Variants in SGSM1 observed in about 807,000 individuals in gnomAD.
SGSM1 encodes the protein RUN and TBC1 domain containing 2.
Under a neutral mutation model 133.8 loss-of-function variants are expected in SGSM1, and 73 were observed. The ratio of observed to expected loss-of-function variants is 0.55; its 90% CI spans 0.45 to 0.66. The LOEUF (loss-of-function observed/expected upper bound fraction) is 0.66. Ranked by LOEUF, SGSM1 falls within the 30% of genes least tolerant of loss-of-function variation. The pLI is 0.00. For missense variants in SGSM1, 1,213 were observed against 1,448.1 expected, an observed-to-expected ratio of 0.84 and a Z score of 2.64; for synonymous variants, 563 against 573.0, an observed-to-expected ratio of 0.98 and a Z score of 0.25.
rs986241140 is a variant in SGSM1 at position 24,886,531 on chromosome 22, C to G, written c.1642-69C>G. 4 of 1,524,066 alleles carry G rather than the reference C, an allele frequency of 2.6e-6. No individual in the cohort carries two copies. The Admixed American group carries it at 8.0e-5, about 31-fold the overall frequency. The allele number at this position is 1,524,066 out of a possible 1,614,324, so 94.4% of individuals were successfully genotyped here. A position where few individuals can be genotyped will look rare whatever the true frequency, so the allele number is the denominator to read the frequency against. On this transcript the variant is annotated intron_variant, in intron 15 of 24. Coordinates refer to ENST00000400358, the MANE Select transcript of SGSM1 (RefSeq NM_001098497.3). ...CCAATCTGGCCAACATGGTGAAACCCCATCCCTACTAAAACCACCCCCTGG... is the reference window on the plus strand; with the variant it reads ...CCAATCTGGCCAACATGGTGAAACCGCATCCCTACTAAAACCACCCCCTGG...
Position 24,892,201 on chromosome 22 carries a change from G to A in SGSM1, c.1771-1230G>A, listed in dbSNP as rs5996787. ...CAGGGCTTGGAGGAGTCTCAGGGAG[G>A]TGGGCAGGAGGGAGTGGCTCAGGCG... On this transcript the variant is annotated intron_variant, in intron 16 of 24. Transcript: ENST00000400358. Among the ~76,000 whole-genome samples, 1,087 of 152,234 alleles carry A rather than the reference G, an allele frequency of 7.1e-3. 12 individuals are homozygous for A. The highest frequency in any genetic ancestry group is 0.025 in the African/African-American group (1,029 of 41,530).
intron 18 of SGSM1, among the ~76,000 whole-genome samples, chr22:24,895,606 G>C (rs561182431): frequency 1.3e-5 from 2 of 152,198 alleles, no homozygotes; most frequent in South Asian, 4.1e-4. Flanking sequence ...CCTTCTGTAT[G>C]CATATACATA....
intron 2 of SGSM1, among the ~76,000 whole-genome samples, chr22:24,829,467 C>CA (rs1394326750): frequency 1.3e-5 from 2 of 152,168 alleles, no homozygotes; most frequent in African/African-American, 2.4e-5. Flanking sequence ...ACAACAAACT[C>CA]ACGTGACATG....
chr22:24,896,090 G>A (rs542956475), intron 18 of SGSM1, among the ~76,000 whole-genome samples: 1 of 152,176 alleles, frequency 6.6e-6, no homozygotes, highest in Non-Finnish European at 1.5e-5. Flanking sequence ...AACATGCATA[G>A]TGTGTTGTCA....
At chr22:24,807,301 G>A (rs1033671286) in intron 2 of SGSM1, among the ~76,000 whole-genome samples, 1 of 150,998 alleles carries the variant, frequency 6.6e-6, no homozygotes, top group African/African-American at 2.4e-5. Context: ...GTGGCTGTGA[G>A]TGTGTGCGTA....
intron 22 of SGSM1, among the ~76,000 whole-genome samples, chr22:24,915,665 C>T (rs1253576678): frequency 6.6e-6 from 1 of 152,094 alleles, no homozygotes. Context: ...ATAGAGTTTC[C>T]AATCCCTCAA....
chr22:24,895,242 C>T lies in SGSM1; in HGVS notation c.1973C>T (p.Ser658Leu), dbSNP rs755807901. 2.5e-5 allele frequency: 41 copies of T among 1,611,300 alleles called. No individual in the cohort carries two copies. The highest frequency in any genetic ancestry group is 6.7e-5 in the African/African-American group (5 of 74,860). Reference sequence around the variant, plus strand: ...TCTCAGTCCTCCCAGAGCTGCAGTTCGGGCCGCCAGAACATCCGCCTGCAC... The same window carrying T: ...TCTCAGTCCTCCCAGAGCTGCAGTTTGGGCCGCCAGAACATCCGCCTGCAC... ...ISNESSQSCS[S>L]GRQNIRLHSD... Residue 658 changes from serine to leucine, a missense_variant, in exon 18 of 25, where the codon TCG becomes TTG. Coordinates refer to ENST00000400358, the MANE Select transcript of SGSM1 (RefSeq NM_001098497.3).
intron 8 of SGSM1, among the ~76,000 whole-genome samples, chr22:24,857,652 TC>T (rs955579440): frequency 6.6e-6 from 1 of 152,246 alleles, no homozygotes; most frequent in African/African-American, 2.4e-5. Flanking sequence ...AGTTCCATCT[TC>T]CGTATCACTT....
intron 2 of SGSM1, among the ~76,000 whole-genome samples, chr22:24,842,111 G>A (rs543798430): frequency 1.3e-4 from 20 of 152,334 alleles, no homozygotes; most frequent in African/African-American, 4.1e-4. Context: ...GGGTCTGGGT[G>A]CTTGGCAACT....
At position 24,924,407 on chromosome 22, in the gene SGSM1, A is replaced by C. The variant is rs1165665238; in HGVS notation, c.*133A>C. ...TTCACAAGCGTGGAGTTCAGTGCGCAAAGAAACTACCCTGACTTTTACTTC... is the reference window on the plus strand; with the variant it reads ...TTCACAAGCGTGGAGTTCAGTGCGCCAAGAAACTACCCTGACTTTTACTTC... On this transcript the variant is annotated 3_prime_UTR_variant, in exon 25 of 25. Coordinates refer to ENST00000400358, the MANE Select transcript of SGSM1 (RefSeq NM_001098497.3). 11 of 701,740 alleles carry C rather than the reference A, an allele frequency of 1.6e-5. No individual in the cohort carries two copies. The African/African-American group carries it at 1.8e-4, about 11-fold the overall frequency. 43.5% of individuals were successfully genotyped at this position (701,740 alleles called of 1,614,324 possible).
At chr22:24,893,971 T>C (rs1932861012) in intron 17 of SGSM1, among the ~76,000 whole-genome samples, 1 of 152,232 alleles carries the variant, frequency 6.6e-6, no homozygotes, top group Non-Finnish European at 1.5e-5. Flanking sequence ...CAAATGCTTA[T>C]TGAGTATCTA....
chr22:24,885,226 C>T (rs59839482), intron 15 of SGSM1, among the ~76,000 whole-genome samples: 1,767 of 152,156 alleles, frequency 0.012, 24 homozygotes, highest in African/African-American at 0.04. Flanking sequence ...TGAGCCGCTG[C>T]GCCCAGCCAA....
chr22:24,828,773 G>T (rs114684475), intron 2 of SGSM1, among the ~76,000 whole-genome samples: 34 of 152,308 alleles, frequency 2.2e-4, no homozygotes, highest in African/African-American at 7.7e-4. Context: ...ACATATGCAC[G>T]CCAGTGTTCA....
In SGSM1 at chr22:24,855,278, C is replaced by T; in HGVS notation, c.524-7C>T. On this transcript the variant is annotated splice_region_variant and splice_polypyrimidine_tract_variant and intron_variant, in intron 6 of 24. Transcript: ENST00000400358. ...CAGTGGGTTTCCAGCCCCCACATGC[C>T]CCTCAGTGGGGCCCTGTGCCCTAGA... 1 of 1,607,590 alleles carries T rather than the reference C, an allele frequency of 6.2e-7. No homozygotes were observed. Among genetic ancestry groups the T allele is most frequent in the Non-Finnish European group, 8.5e-7 (1 of 1,176,926 alleles).
chr22:24,829,037 CAA>C (rs139628), intron 2 of SGSM1, among the ~76,000 whole-genome samples: 1 of 151,014 alleles, frequency 6.6e-6, no homozygotes, highest in African/African-American at 2.4e-5. Context: ...ATTAAAAATA[CAA>C]AAAAAAATTA....
At chr22:24,845,090 G>C in intron 3 of SGSM1, 118 bp downstream of exon 3, 1 of 864,152 alleles carries the variant, frequency 1.2e-6, no homozygotes. Context: ...TCCAGAGGGG[G>C]ACTCGATTGG....
At chr22:24,833,940 C>T (rs912161130) in intron 2 of SGSM1, among the ~76,000 whole-genome samples, 3 of 152,214 alleles carry the variant, frequency 2.0e-5, no homozygotes, top group Non-Finnish European at 2.9e-5. Flanking sequence ...GCTCCTCTTC[C>T]CACCCTCTCA....
At chr22:24,807,928 G>A (rs1434464172) in intron 2 of SGSM1, among the ~76,000 whole-genome samples, 1 of 137,356 alleles carries the variant, frequency 7.3e-6, no homozygotes, top group Non-Finnish European at 1.6e-5. Flanking sequence ...TGTGTGGCAT[G>A]TCCTATTTTG....
chr22:24,905,360 A>G (rs1276899057), intron 21 of SGSM1, among the ~76,000 whole-genome samples, 173 bp downstream of exon 21: 1 of 152,232 alleles, frequency 6.6e-6, no homozygotes, highest in Non-Finnish European at 1.5e-5. Flanking sequence ...CTTATATTCC[A>G]TGGTGCCCCA....
Sources: gnomAD v4.1 joint callset for allele counts (sites outside exome capture counted in the v4.1 genomes callset) on GRCh38, gnomAD v4.1.1 for gene constraint, MANE v1.5 for transcripts, NCBI Gene and HGNC (gene_info 2026-07-23, HGNC 2026-07-21) for gene names.